SMIM43: variants seen among roughly 807,000 people sequenced by gnomAD.
SMIM43 encodes the protein small integral membrane protein 43, also known as Nodal Enhanced MEsendoderm Peptide.
chr4:121,765,315 G>A (rs951818850), upstream of SMIM43: 1 of 356,518 alleles, frequency 2.8e-6, no homozygotes, highest in African/African-American at 2.1e-5. Context: ...GACTCTCCCA[G>A]CTGGCACCAA....
Position 121,760,217 on chromosome 4 carries a change from AT to A in SMIM43, c.*756del. On this transcript the variant is annotated 3_prime_UTR_variant, in exon 6 of 6. Coordinates refer to ENST00000643802, the MANE Select transcript of SMIM43 (RefSeq NM_001384332.1). ...GTTAGTTGTCCTCCCAAGATCCACCATCATCTTCTTCTTCATCAAGAGAAAC... is the reference window on the plus strand; with the variant it reads ...GTTAGTTGTCCTCCCAAGATCCACCACATCTTCTTCTTCATCAAGAGAAAC... 2.0e-6 allele frequency: 3 copies of A among 1,530,762 alleles called. No individual in the cohort carries two copies. In the South Asian group the frequency reaches 4.0e-5, roughly 20 times the overall value. The allele number at this position is 1,530,762 out of a possible 1,614,324, so 94.8% of individuals were successfully genotyped here.
rs1726071144 is a variant in SMIM43 at position 121,761,630 on chromosome 4, T to A, written c.*407A>T. ...AAGCCAGTGCATGGCACACTCTGGG[T>A]AAATTTTCTCTCTTATTCTGTAGAA... On this transcript the variant is annotated 3_prime_UTR_variant, in exon 5 of 6. Coordinates refer to ENST00000643802, the MANE Select transcript of SMIM43 (RefSeq NM_001384332.1). The A allele has an allele frequency of 6.2e-7, 1 of 1,613,838 alleles. No individual in the cohort carries two copies. Among genetic ancestry groups the A allele is most frequent in the Non-Finnish European group, 8.5e-7 (1 of 1,179,878 alleles).
At position 121,765,017 on chromosome 4, in the gene SMIM43, T is replaced by C. The variant is rs1339404060; in HGVS notation, c.89A>G (p.Lys30Arg). 2 of 398,574 alleles carry C rather than the reference T, an allele frequency of 5.0e-6. No homozygotes were observed. The highest frequency in any genetic ancestry group is 8.9e-6 in the Non-Finnish European group (2 of 225,870). 24.7% of individuals were successfully genotyped at this position (398,574 alleles called of 1,614,324 possible). ...LLFLLLFVVI[K>R]QLKNSVANTA... ...GTTGGCCACGGAGTTCTTCAGCTGC[T>C]TGATGACCACGAAGAGCAGGAGGAA... Residue 30 changes from lysine (K) to arginine (R), a missense_variant, in exon 1 of 6, where the codon AAG becomes AGG. Transcript: ENST00000643802.
chr4:121,761,998 CCTT>C (rs1726099577), intron 3 of SMIM43, 106 bp from the exon 4 acceptor site: 3 of 946,742 alleles, frequency 3.2e-6, no homozygotes, highest in South Asian at 1.7e-5. Context: ...ATTCAAGTCA[CCTT>C]CTAACATTGC....
Position 121,761,427 on chromosome 4 carries a change from A to G in SMIM43, c.*499+111T>C, listed in dbSNP as rs1726055358. Reference sequence around the variant, plus strand: ...TGGTTTAACCATTTACAAACTTTAAAATTTTGGTCATTTAAAATTTAACTC... The same window carrying G: ...TGGTTTAACCATTTACAAACTTTAAGATTTTGGTCATTTAAAATTTAACTC... On this transcript the variant is annotated intron_variant, in intron 5 of 5. Transcript: ENST00000643802. 3.9e-6 allele frequency: 4 copies of G among 1,025,364 alleles called. No homozygotes were observed. The Admixed American group carries it at 1.2e-4, about 30-fold the overall frequency. 63.5% of individuals were successfully genotyped at this position (1,025,364 alleles called of 1,614,324 possible). A position where few individuals can be genotyped will look rare whatever the true frequency, so the allele number is the denominator to read the frequency against.
chr4:121,761,594 C>T lies in SMIM43; in HGVS notation c.*443G>A, dbSNP rs1726068243. 1 of 1,613,544 alleles carries T rather than the reference C, an allele frequency of 6.2e-7. No individual in the cohort carries two copies. Among genetic ancestry groups the T allele is most frequent in the Admixed American group, 1.7e-5 (1 of 59,924 alleles). On this transcript the variant is annotated 3_prime_UTR_variant, in exon 5 of 6. Coordinates refer to ENST00000643802, the MANE Select transcript of SMIM43 (RefSeq NM_001384332.1). ...CCAAAAACAAATCCTGGCACCTTGC[C>T]ATTCCCAGAAAAGCCAGTGCATGGC...
chr4:121,765,404 A>G, upstream of SMIM43: 1 of 234,574 alleles, frequency 4.3e-6, no homozygotes, highest in Non-Finnish European at 8.2e-6. Context: ...TTCCGCGGGC[A>G]CGGACGCCAG....
intron 5 of SMIM43, 130 bp from the exon 6 acceptor site, chr4:121,760,604 A>C: frequency 1.5e-6 from 2 of 1,348,912 alleles, no homozygotes; most frequent in Non-Finnish European, 1.9e-6. Context: ...CAAACCCTCT[A>C]ATTTATTTAA....
rs995911458 is a variant in SMIM43 at position 121,759,424 on chromosome 4, C to T, written c.*1550G>A. 19 of 152,336 alleles carry T rather than the reference C, an allele frequency of 1.2e-4. No individual in the cohort carries two copies. The highest frequency in any genetic ancestry group is 3.4e-3 in the Middle Eastern group (1 of 294). 9.4% of individuals were successfully genotyped at this position (152,336 alleles called of 1,614,324 possible). A position where few individuals can be genotyped will look rare whatever the true frequency, so the allele number is the denominator to read the frequency against. ...AAGAGAATAAAGTATACCGTGCTAT[C>T]TAACACAATAGCTAGTAGCCCCATT... On this transcript the variant is annotated 3_prime_UTR_variant, in exon 6 of 6. Coordinates refer to ENST00000643802, the MANE Select transcript of SMIM43 (RefSeq NM_001384332.1).
In SMIM43 at chr4:121,761,694, C is replaced by T. The variant is rs779138538; in HGVS notation, c.*343G>A. On this transcript the variant is annotated splice_region_variant and 3_prime_UTR_variant, in exon 5 of 6. Transcript: ENST00000643802. ...CATCAGTTCTGCATCTACAGCTGTG[C>T]CCTAAAATTGAAGTTCAGACATAGG... is the stretch of plus-strand genomic sequence containing the variant. 6.2e-7 allele frequency: 1 copy of T among 1,610,826 alleles called. No homozygotes were observed. Among genetic ancestry groups the T allele is most frequent in the Non-Finnish European group, 8.5e-7 (1 of 1,179,316 alleles).
rs116766882 is a variant in SMIM43 at position 121,760,460 on chromosome 4, G to T, written c.*514C>A. 1.2e-3 allele frequency: 1,878 copies of T among 1,545,994 alleles called. 25 individuals are homozygous for T. The African/African-American group carries it at 0.023, about 19-fold the overall frequency. ...TCCTTCTTCTTGTGGGGTGCTGCGG[G>T]GACCATCTTGGAACCTGGAGGAAAA... is the stretch of plus-strand genomic sequence containing the variant. On this transcript the variant is annotated 3_prime_UTR_variant, in exon 6 of 6. Coordinates refer to ENST00000643802, the MANE Select transcript of SMIM43 (RefSeq NM_001384332.1).
chr4:121,761,686 C>G lies in SMIM43; in HGVS notation c.*351G>C, dbSNP rs376583534. 1 of 1,611,510 alleles carries G rather than the reference C, an allele frequency of 6.2e-7. No individual in the cohort carries two copies. The highest frequency in any genetic ancestry group is 2.2e-5 in the East Asian group (1 of 44,864). On this transcript the variant is annotated 3_prime_UTR_variant, in exon 5 of 6. Coordinates refer to ENST00000643802, the MANE Select transcript of SMIM43 (RefSeq NM_001384332.1). ...CCAGATGGCATCAGTTCTGCATCTA[C>G]AGCTGTGCCCTAAAATTGAAGTTCA...
chr4:121,765,429 C>G (rs1318255785), upstream of SMIM43: 7 of 218,792 alleles, frequency 3.2e-5, no homozygotes, highest in East Asian at 7.0e-4. Flanking sequence ...GGTAACAGCT[C>G]AGTCTTCCAG....
rs1725999942 is a variant in SMIM43 at position 121,760,457 on chromosome 4, CG to C, written c.*516del. ...TCCTCCTTCTTCTTGTGGGGTGCTG[CG>C]GGGACCATCTTGGAACCTGGAGGAA... On this transcript the variant is annotated 3_prime_UTR_variant, in exon 6 of 6. Transcript: ENST00000643802. 1 of 1,547,522 alleles carries C rather than the reference CG, an allele frequency of 6.5e-7. No homozygotes were observed. The highest frequency in any genetic ancestry group is 1.4e-5 in the African/African-American group (1 of 72,272).
chr4:121,760,254 TCAAAGGCA>T lies in SMIM43; in HGVS notation c.*712_*719del. The T allele has an allele frequency of 6.5e-7, 1 of 1,546,836 alleles. No homozygotes were observed. Among genetic ancestry groups the T allele is most frequent in the Admixed American group, 2.1e-5 (1 of 47,936 alleles). ...TTCATCAAGAGAAACTGGATTTTTG[TCAAAGGCA>T]GTTATATATCCAGCTACAAAAACTA... On this transcript the variant is annotated 3_prime_UTR_variant, in exon 6 of 6. Transcript: ENST00000643802.
Position 121,765,164 on chromosome 4 carries a change from C to A in SMIM43, c.-59G>T, listed in dbSNP as rs950156219. 1.0e-5 allele frequency: 4 copies of A among 392,310 alleles called. No individual in the cohort carries two copies. Among genetic ancestry groups the A allele is most frequent in the Non-Finnish European group, 1.4e-5 (3 of 222,060 alleles). 24.3% of individuals were successfully genotyped at this position (392,310 alleles called of 1,614,324 possible). On this transcript the variant is annotated 5_prime_UTR_variant, in exon 1 of 6. Coordinates refer to ENST00000643802, the MANE Select transcript of SMIM43 (RefSeq NM_001384332.1). Reference sequence around the variant, plus strand: ...CTCGGCGCGGGCTGCAGCTGGAGGGCGAGCGCGCCGCCCGCACACCCACCT... The same window carrying A: ...CTCGGCGCGGGCTGCAGCTGGAGGGAGAGCGCGCCGCCCGCACACCCACCT...
chr4:121,761,479 C>T, intron 5 of SMIM43, 59 bp downstream of exon 5: 2 of 1,494,902 alleles, frequency 1.3e-6, no homozygotes, highest in Non-Finnish European at 1.8e-6. Context: ...AAACTATAGA[C>T]AAAATTGGAA....
Position 121,765,163 on chromosome 4 carries a change from G to A in SMIM43, c.-58C>T, listed in dbSNP as rs1442814358. On this transcript the variant is annotated 5_prime_UTR_variant, in exon 1 of 6. Coordinates refer to ENST00000643802, the MANE Select transcript of SMIM43 (RefSeq NM_001384332.1). ...GCTCGGCGCGGGCTGCAGCTGGAGG[G>A]CGAGCGCGCCGCCCGCACACCCACC... The A allele has an allele frequency of 7.6e-6, 3 of 392,808 alleles. No individual in the cohort carries two copies. Among genetic ancestry groups the A allele is most frequent in the Admixed American group, 4.4e-5 (1 of 22,496 alleles). The allele number at this position is 392,808 out of a possible 1,614,324, so 24.3% of individuals were successfully genotyped here.
chr4:121,764,939 C>A lies in SMIM43; in HGVS notation c.167G>T (p.Gly56Val). The change falls in exon 1 of 6, where the codon GGC becomes GTC. Residue 56 changes from glycine to valine, a missense_variant. Gly to Val is a moderately radical substitution (Grantham distance 109). Transcript: ENST00000643802. ...TCACACCGCTTGCTCTCGGGAGAAG[C>A]CCCAAGGCTCGCGGTGCACCGAGAG... ...GRLSVHREPWGFSREQAV is the reference protein window; with the variant it reads ...GRLSVHREPWVFSREQAV 1 of 398,574 alleles carries A rather than the reference C, an allele frequency of 2.5e-6. No homozygotes were observed. Among genetic ancestry groups the A allele is most frequent in the Non-Finnish European group, 4.4e-6 (1 of 225,712 alleles). 24.7% of individuals were successfully genotyped at this position (398,574 alleles called of 1,614,324 possible).
Sources: gnomAD v4.1 joint callset for allele counts on GRCh38, gnomAD v4.1.1 for gene constraint, MANE v1.5 for transcripts, NCBI Gene and HGNC (gene_info 2026-07-23, HGNC 2026-07-21) for gene names.